The following IL1RAPL2 variants were observed in gnomAD, a reference collection of about 807,000 sequenced individuals.
The protein encoded by IL1RAPL2 is interleukin 1 receptor accessory protein like 2.
Under a neutral mutation model 44.1 loss-of-function variants are expected in IL1RAPL2, and 3 were observed. That is an observed-to-expected ratio of 0.07 (90% CI 0.03 to 0.18). IL1RAPL2 has a LOEUF of 0.18. Ranked by LOEUF, IL1RAPL2 falls within the 10% of genes least tolerant of loss-of-function variation. IL1RAPL2 has a pLI of 1.00. For missense variants in IL1RAPL2, 391 were observed against 496.4 expected (o/e 0.79, Z 2.02); for synonymous variants, 181 against 178.8 (o/e 1.01, Z -0.10).
At chrX:105,396,712 G>A (rs1332234838) in intron 5 of IL1RAPL2, among the ~76,000 whole-genome samples, 1 of 107,934 alleles carries the variant, frequency 9.3e-6, no homozygotes, top group African/African-American at 3.4e-5. Context: ...CTGAGTAATG[G>A]TTAAAGAGTA....
intron 5 of IL1RAPL2, among the ~76,000 whole-genome samples, chrX:105,386,873 A>C (rs780533063): frequency 8.9e-6 from 1 of 111,747 alleles, no homozygotes; most frequent in East Asian, 2.8e-4. Flanking sequence ...CTATTATAGA[A>C]TCTCAAGGAA....
intron 6 of IL1RAPL2, among the ~76,000 whole-genome samples, chrX:105,580,342 A>G (rs767681888): frequency 6.7e-5 from 7 of 104,710 alleles, no homozygotes; most frequent in African/African-American, 2.4e-4. Flanking sequence ...CTGAAAACTG[A>G]TGTTAAGTGA....
chrX:105,447,786 T>A (rs111925464), intron 5 of IL1RAPL2, among the ~76,000 whole-genome samples: 25 of 88,014 alleles, frequency 2.8e-4, no homozygotes, highest in East Asian at 3.5e-4. Flanking sequence ...ATATTAAAAA[T>A]ATATATAAAT....
intron 6 of IL1RAPL2, among the ~76,000 whole-genome samples, chrX:105,595,140 G>A (rs2037199311): frequency 8.9e-6 from 1 of 111,760 alleles, no homozygotes; most frequent in Admixed American, 9.5e-5. Context: ...GTAGAAGAAA[G>A]GACTTTTTTG....
At chrX:104,900,292 T>A (rs1167622860) in intron 2 of IL1RAPL2, among the ~76,000 whole-genome samples, 4 of 111,879 alleles carry the variant, frequency 3.6e-5, no homozygotes, top group Non-Finnish European at 5.6e-5. Context: ...TTGTTTTGTT[T>A]ATCACATCAA....
At chrX:105,476,022 A>G (rs1329072828) in intron 5 of IL1RAPL2, among the ~76,000 whole-genome samples, 1 of 112,951 alleles carries the variant, frequency 8.9e-6, no homozygotes, top group East Asian at 2.8e-4. Flanking sequence ...ATTGCAAGGC[A>G]GGACACAGGC....
intron 5 of IL1RAPL2, among the ~76,000 whole-genome samples, chrX:105,274,778 G>T (rs2034473141): frequency 8.9e-6 from 1 of 112,117 alleles, no homozygotes; most frequent in African/African-American, 3.2e-5. Context: ...GAGGAAGAGA[G>T]AAGAGTGGGG....
intron 1 of IL1RAPL2, among the ~76,000 whole-genome samples, chrX:104,653,379 G>A (rs1000572907): frequency 1.8e-5 from 2 of 110,897 alleles, no homozygotes; most frequent in Non-Finnish European, 3.8e-5. Context: ...AATTAGTCTC[G>A]GTCCTCTTGT....
At chrX:105,422,360 T>C (rs2035779558) in intron 5 of IL1RAPL2, among the ~76,000 whole-genome samples, 1 of 111,445 alleles carries the variant, frequency 9.0e-6, no homozygotes, top group South Asian at 3.7e-4. Context: ...GTAGACAAGG[T>C]ATAAAGTCAG....
chrX:104,950,033 T>A (rs1268817052), intron 2 of IL1RAPL2, among the ~76,000 whole-genome samples: 5 of 111,140 alleles, frequency 4.5e-5, no homozygotes, highest in East Asian at 5.7e-4. Context: ...AACGTCTCCC[T>A]TTATTAATGT....
intron 2 of IL1RAPL2, among the ~76,000 whole-genome samples, chrX:105,128,206 T>C (rs1333036705): frequency 9.0e-6 from 1 of 110,518 alleles, no homozygotes; most frequent in Non-Finnish European, 1.9e-5. Context: ...CTGAAATATC[T>C]CCTCTTTGCC....
intron 2 of IL1RAPL2, among the ~76,000 whole-genome samples, chrX:104,917,105 C>T (rs1026475161): frequency 2.7e-5 from 3 of 111,414 alleles, no homozygotes; most frequent in African/African-American, 6.5e-5. Context: ...GGGAGGATTC[C>T]CTCTTTTTCT....
chrX:105,428,812 TA>T (rs1460595687), intron 5 of IL1RAPL2, among the ~76,000 whole-genome samples: 1 of 111,262 alleles, frequency 9.0e-6, no homozygotes, highest in African/African-American at 3.3e-5. Flanking sequence ...ATGCTTTACG[TA>T]AAATGAGTGC....
intron 2 of IL1RAPL2, among the ~76,000 whole-genome samples, chrX:105,061,602 C>T (rs1371469740): frequency 9.0e-6 from 1 of 111,624 alleles, no homozygotes; most frequent in Admixed American, 9.5e-5. Context: ...ACAGATCTTC[C>T]AGAAAGAAAA....
intron 2 of IL1RAPL2, among the ~76,000 whole-genome samples, chrX:105,119,186 T>C (rs772452594): frequency 1.5e-4 from 17 of 111,683 alleles, no homozygotes; most frequent in African/African-American, 4.9e-4. Context: ...AGATACTTTT[T>C]TTTTAATGAG....
intron 2 of IL1RAPL2, among the ~76,000 whole-genome samples, chrX:105,180,487 C>G (rs1556130231): frequency 2.7e-5 from 3 of 111,982 alleles, no homozygotes. Flanking sequence ...TGGCCTTTAC[C>G]TTTATTAATT....
At chrX:105,641,093 A>T (rs937424857) in intron 6 of IL1RAPL2, among the ~76,000 whole-genome samples, 2 of 111,360 alleles carry the variant, frequency 1.8e-5, no homozygotes, top group African/African-American at 6.5e-5. Context: ...GACCTGAGAA[A>T]GGTTTTGAAA....
intron 1 of IL1RAPL2, among the ~76,000 whole-genome samples, chrX:104,567,688 G>A (rs753318477): frequency 8.9e-6 from 1 of 112,257 alleles, no homozygotes; most frequent in South Asian, 3.8e-4. Flanking sequence ...CCCCACTGCT[G>A]CTCAGGCGTG....
intron 2 of IL1RAPL2, among the ~76,000 whole-genome samples, chrX:105,057,772 A>AT (rs1243152801): frequency 4.7e-5 from 5 of 106,792 alleles, no homozygotes; most frequent in African/African-American, 1.8e-4. Context: ...ATTTTTATTT[A>AT]TTTATTTTTT....
Sources: allele counts gnomAD v4.1 joint callset (sites outside exome capture counted in the v4.1 genomes callset), GRCh38; gene constraint gnomAD v4.1.1; transcripts MANE v1.5; gene names NCBI Gene and HGNC (gene_info 2026-07-23, HGNC 2026-07-21).